The following TF variants were observed in gnomAD, a reference collection of about 807,000 sequenced individuals.
TF encodes the protein transferrin.
TF carries 55 observed loss-of-function variants against 82.4 expected under a neutral mutation model. The observed-to-expected ratio is 0.67, with a 90% CI of 0.54 to 0.84. TF has a LOEUF of 0.84. Ranked by LOEUF, TF falls within the 40% of genes least tolerant of loss-of-function variation. The probability of loss-of-function intolerance (pLI) is 0.00; values close to 1 mark genes in which losing one functional copy is unlikely to be tolerated. For missense variants in TF, 737 were observed against 868.4 expected (o/e 0.85, Z 1.90); for synonymous variants, 332 against 332.6 (o/e 1.00, Z 0.02).
At chr3:133,743,943 G>A (rs78160975), upstream of TF, among the ~76,000 whole-genome samples, 2,218 of 152,322 alleles carry the variant, frequency 0.015, 60 homozygotes, top group African/African-American at 0.05. Context: ...TGGCAAGCAC[G>A]AAGCTCTGCT....
chr3:133,690,991 C>T, the TF span, among the ~76,000 whole-genome samples: 15,389 of 151,958 alleles, frequency 0.1, 812 homozygotes, highest in Middle Eastern at 0.18. Flanking sequence ...TTTATACACA[C>T]ACACATAGAT....
chr3:133,709,420 T>C, the TF span: 1 of 152,692 alleles, frequency 6.5e-6, no homozygotes, highest in South Asian at 2.1e-4. Flanking sequence ...GCAGGAGGGC[T>C]GGCCAGATCT....
the TF span, among the ~76,000 whole-genome samples, chr3:133,740,416 T>C: frequency 0.59 from 89,269 of 151,932 alleles, 26,753 homozygotes; most frequent in East Asian, 0.76. Flanking sequence ...CTCTGCCTCC[T>C]GGGTTTAAGT....
chr3:133,774,020 A>T (rs1441042368), intron 14 of TF: 1 of 152,228 alleles, frequency 6.6e-6, no homozygotes, highest in Non-Finnish European at 1.5e-5. Context: ...TGCCTCCTCC[A>T]GCCAGCTTCT....
At chr3:133,726,683 T>G in the TF span, among the ~76,000 whole-genome samples, 1 of 152,140 alleles carries the variant, frequency 6.6e-6, no homozygotes, top group African/African-American at 2.4e-5. Flanking sequence ...TTTTAGTTAT[T>G]TCTTGCCTTC....
At chr3:133,760,587 A>G (rs528448437) in intron 9 of TF, 17 of 152,400 alleles carry the variant, frequency 1.1e-4, no homozygotes, top group African/African-American at 4.1e-4. Context: ...CGTCTGTAAA[A>G]AAAAGGAAGA....
chr3:133,753,800 GAAC>G, intron 3 of TF, 97 bp downstream of exon 3: 1 of 974,826 alleles, frequency 1.0e-6, no homozygotes, highest in Non-Finnish European at 1.6e-6. Flanking sequence ...CAGATATAAT[GAAC>G]ATTCATCTTT....
intron 14 of TF, chr3:133,773,485 T>TTGTG (rs68187578): frequency 0.17 from 24,825 of 148,846 alleles, 2,257 homozygotes; most frequent in Non-Finnish European, 0.22. Flanking sequence ...TTATCACAAT[T>TTGTG]TGTGTGTGTG....
chr3:133,779,482 C>T lies in TF; in HGVS notation c.*862C>T, dbSNP rs1934470990. ...AGTTGATAAAGTTGACCACTCCCTC[C>T]TCCTTGGAACTCTTTTCCTCAGTTT... On this transcript the variant is annotated 3_prime_UTR_variant, in exon 17 of 17. Transcript: ENST00000402696. The T allele has an allele frequency of 6.6e-6, 1 of 152,352 alleles. No individual in the cohort carries two copies. Among genetic ancestry groups the T allele is most frequent in the Admixed American group, 6.5e-5 (1 of 15,284 alleles). 9.4% of individuals were successfully genotyped at this position (152,352 alleles called of 1,614,324 possible).
chr3:133,684,864 A>G, the TF span, among the ~76,000 whole-genome samples: 4 of 152,352 alleles, frequency 2.6e-5, no homozygotes, highest in South Asian at 8.3e-4. Flanking sequence ...TGAGGCCAGC[A>G]TCATCCTGAT....
chr3:133,675,000 C>G, the TF span, among the ~76,000 whole-genome samples: 3 of 152,070 alleles, frequency 2.0e-5, no homozygotes, highest in African/African-American at 2.4e-5. Flanking sequence ...AATCCCGACA[C>G]TTTGGGAGGC....
the TF span, among the ~76,000 whole-genome samples, chr3:133,730,190 G>T: frequency 6.9e-4 from 105 of 152,246 alleles, no homozygotes; most frequent in Non-Finnish European, 1.0e-3. Context: ...CTTCTCTCCA[G>T]CCTAGAACTC....
chr3:133,777,287 A>G, intron 16 of TF, 49 bp downstream of exon 16: 1 of 1,588,228 alleles, frequency 6.3e-7, no homozygotes, highest in Middle Eastern at 1.7e-4. Flanking sequence ...CATGGTGGTG[A>G]GTGCTGGGAT....
the TF span, among the ~76,000 whole-genome samples, chr3:133,724,729 C>T: frequency 2.2e-4 from 33 of 152,260 alleles, no homozygotes; most frequent in South Asian, 6.2e-3. Context: ...AAGTCCTTGC[C>T]CATGCCTATG....
chr3:133,691,441 A>G, the TF span, among the ~76,000 whole-genome samples: 141 of 152,334 alleles, frequency 9.3e-4, 1 homozygote, highest in East Asian at 0.025. Context: ...CATGGAGCTT[A>G]CATTCCAAAG....
the TF span, among the ~76,000 whole-genome samples, chr3:133,721,041 A>T: frequency 6.6e-6 from 1 of 152,044 alleles, no homozygotes; most frequent in African/African-American, 2.4e-5. Context: ...CAAAAAACCA[A>T]ATCTTTGTTT....
rs1384643970 is a variant in TF, at chr3:133,775,520, A to T, written c.1775A>T (p.Glu592Val). Reference protein sequence around the residue: ...CLDGTRKPVEEYANCHLARAP... With the variant: ...CLDGTRKPVEVYANCHLARAP... ...GATGGTACCAGGAAACCTGTGGAGG[A>T]GTATGCGAACTGCCACCTGGCCAGA... Residue 592 changes from glutamate (E) to valine (V), a missense_variant, in exon 15 of 17, where the codon GAG becomes GTG. Glu to Val is a moderately radical substitution (Grantham distance 121). Coordinates refer to ENST00000402696, the MANE Select transcript of TF (RefSeq NM_001063.4). 2.0e-5 allele frequency: 32 copies of T among 1,614,078 alleles called. No homozygotes were observed. The highest frequency in any genetic ancestry group is 2.6e-5 in the Non-Finnish European group (31 of 1,180,032).
chr3:133,727,103 G>A, the TF span, among the ~76,000 whole-genome samples: 1 of 152,106 alleles, frequency 6.6e-6, no homozygotes, highest in African/African-American at 2.4e-5. Context: ...AATAGGTGTG[G>A]TGTGGTGCTG....
upstream of TF, among the ~76,000 whole-genome samples, chr3:133,743,151 A>T (rs1435186262): frequency 6.6e-6 from 1 of 152,170 alleles, no homozygotes; most frequent in Non-Finnish European, 1.5e-5. Context: ...ATGAATAAGG[A>T]CCCATCATTT....
Sources: gnomAD v4.1 joint callset for allele counts (sites outside exome capture counted in the v4.1 genomes callset) on GRCh38, gnomAD v4.1.1 for gene constraint, MANE v1.5 for transcripts, NCBI Gene and HGNC (gene_info 2026-07-23, HGNC 2026-07-21) for gene names.